CDKAL1: variants seen among roughly 807,000 people sequenced by gnomAD.
CDKAL1 encodes threonylcarbamoyladenosine tRNA methylthiotransferase.
Under a neutral mutation model 68.2 loss-of-function variants are expected in CDKAL1, and 32 were observed. The observed-to-expected ratio is 0.47, with a 90% CI of 0.35 to 0.63. CDKAL1 has a LOEUF of 0.63. Among genes scored for constraint, CDKAL1 ranks in the 30% least tolerant of loss-of-function variants. The probability of loss-of-function intolerance (pLI) is 0.00; values close to 1 mark genes in which losing one functional copy is unlikely to be tolerated. For missense variants in CDKAL1, 606 were observed against 696.7 expected, an observed-to-expected ratio of 0.87 and a Z score of 1.47; for synonymous variants, 234 against 244.3, an observed-to-expected ratio of 0.96 and a Z score of 0.39.
At chr6:21,181,148 A>G (rs1777774178) in intron 13 of CDKAL1, among the ~76,000 whole-genome samples, 1 of 152,226 alleles carries the variant, frequency 6.6e-6, no homozygotes, top group Non-Finnish European at 1.5e-5. Flanking sequence ...CCCACTGTCG[A>G]GATAGCTAAC....
At chr6:21,016,389 C>G (rs550159835) in intron 11 of CDKAL1, among the ~76,000 whole-genome samples, 3 of 152,108 alleles carry the variant, frequency 2.0e-5, no homozygotes, top group Non-Finnish European at 1.5e-5. Flanking sequence ...CCTCCCCACA[C>G]CACTTGCTGT....
intron 9 of CDKAL1, among the ~76,000 whole-genome samples, chr6:20,907,880 C>T (rs1762300397): frequency 6.6e-6 from 1 of 152,150 alleles, no homozygotes; most frequent in Non-Finnish European, 1.5e-5. Flanking sequence ...GGCACCATGC[C>T]ACTGTTGGTC....
chr6:20,715,781 C>G (rs1416371630), intron 5 of CDKAL1, among the ~76,000 whole-genome samples: 1 of 152,028 alleles, frequency 6.6e-6, no homozygotes, highest in Non-Finnish European at 1.5e-5. Context: ...TTAAAATATT[C>G]TTATTTTTCC....
intron 9 of CDKAL1, among the ~76,000 whole-genome samples, chr6:20,903,480 G>A (rs1009351643): frequency 2.6e-5 from 4 of 152,126 alleles, no homozygotes; most frequent in Non-Finnish European, 4.4e-5. Context: ...TAGCTTTGCT[G>A]CTTTCACAGT....
chr6:21,159,704 C>T (rs1776817659), intron 13 of CDKAL1, among the ~76,000 whole-genome samples: 1 of 152,230 alleles, frequency 6.6e-6, no homozygotes, highest in Non-Finnish European at 1.5e-5. Flanking sequence ...ACGGTTCTCA[C>T]AGATAATCCA....
intron 13 of CDKAL1, among the ~76,000 whole-genome samples, chr6:21,158,741 C>G (rs572945886): frequency 8.3e-4 from 127 of 152,298 alleles, no homozygotes; most frequent in African/African-American, 2.8e-3. Context: ...AATTTTGTCA[C>G]TGACAAATAT....
At chr6:20,683,426 G>C (rs1347225865) in intron 5 of CDKAL1, among the ~76,000 whole-genome samples, 2 of 152,158 alleles carry the variant, frequency 1.3e-5, no homozygotes, top group Non-Finnish European at 2.9e-5. Context: ...TGGTTTAAAA[G>C]TCTTGGCTTT....
chr6:20,605,196 C>T (rs544331508), intron 4 of CDKAL1, among the ~76,000 whole-genome samples: 4 of 152,288 alleles, frequency 2.6e-5, no homozygotes, highest in African/African-American at 9.6e-5. Context: ...CCATCCCCAA[C>T]AGTGAAGGTT....
rs1015613909 is a variant in CDKAL1 at position 21,070,248 on chromosome 6, C to T, written c.1236+5020C>T. On this transcript the variant is annotated intron_variant, in intron 12 of 15. Coordinates refer to ENST00000274695, the MANE Select transcript of CDKAL1 (RefSeq NM_017774.3). ...CATGTGTACAGCTGAATAATTTTCT[C>T]GGCCTGATCCTGCCATAAGAATGTT... Among the ~76,000 whole-genome samples the T allele has an allele frequency of 7.9e-5, 12 of 152,142 alleles. No individual in the cohort carries two copies. The East Asian group carries it at 9.6e-4, about 12-fold the overall frequency.
At chr6:20,968,818 T>A (rs917621192) in intron 10 of CDKAL1, among the ~76,000 whole-genome samples, 5 of 152,124 alleles carry the variant, frequency 3.3e-5, no homozygotes, top group Admixed American at 1.3e-4. Flanking sequence ...TGATTTTCCT[T>A]AATTCTTGGG....
In CDKAL1 at chr6:21,056,203, C is replaced by T. The variant is rs145917367; in HGVS notation, c.1056-8845C>T. Among the ~76,000 whole-genome samples the T allele has an allele frequency of 1.7e-3, 264 of 152,050 alleles. 3 individuals are homozygous for T. The highest frequency in any genetic ancestry group is 5.6e-3 in the African/African-American group (232 of 41,478). The stretch of plus-strand genomic sequence containing the variant: ...TTGTGTCCTCTCTTATTTCTTTGAA[C>T]GGTGGTTTGTAGTTCTCCTTGAAGA... On this transcript the variant is annotated intron_variant, in intron 11 of 15. Coordinates refer to ENST00000274695, the MANE Select transcript of CDKAL1 (RefSeq NM_017774.3).
chr6:20,670,495 G>A (rs546007762), intron 5 of CDKAL1, among the ~76,000 whole-genome samples: 2 of 152,122 alleles, frequency 1.3e-5, no homozygotes, highest in South Asian at 2.1e-4. Context: ...GAGCCCACCC[G>A]TCTCCCATTA....
At chr6:21,170,485 G>A (rs1253023182) in intron 13 of CDKAL1, among the ~76,000 whole-genome samples, 1 of 151,838 alleles carries the variant, frequency 6.6e-6, no homozygotes, top group Non-Finnish European at 1.5e-5. Flanking sequence ...GCCTGCTACT[G>A]TGCCCAGCTA....
intron 10 of CDKAL1, among the ~76,000 whole-genome samples, chr6:20,994,181 A>G (rs532644089): frequency 3.3e-5 from 5 of 152,312 alleles, no homozygotes; most frequent in African/African-American, 9.6e-5. Context: ...TTACTTTCAT[A>G]AGAAAATGCA....
At chr6:21,146,850 CAAA>C (rs1194653980) in intron 13 of CDKAL1, among the ~76,000 whole-genome samples, 6 of 78,256 alleles carry the variant, frequency 7.7e-5, no homozygotes, top group African/African-American at 5.3e-5. Context: ...GACTCCGTCT[CAAA>C]AAAAAAAAAA....
chr6:20,770,806 C>T (rs1774908834), intron 7 of CDKAL1, among the ~76,000 whole-genome samples: 1 of 152,136 alleles, frequency 6.6e-6, no homozygotes, highest in Admixed American at 6.5e-5. Context: ...GAAAATCAGT[C>T]AAAAGCAGGA....
intron 7 of CDKAL1, among the ~76,000 whole-genome samples, chr6:20,769,386 G>C (rs34801493): frequency 6.6e-6 from 1 of 150,742 alleles, no homozygotes; most frequent in African/African-American, 2.4e-5. Context: ...AGCCTCCCAA[G>C]TAGCTGGGAT....
intron 11 of CDKAL1, among the ~76,000 whole-genome samples, chr6:21,040,578 T>C (rs559255502): frequency 6.6e-6 from 1 of 152,284 alleles, no homozygotes; most frequent in East Asian, 1.9e-4. Context: ...TTGAATAGCT[T>C]CACTAAAAAT....
chr6:21,220,397 TG>T (rs921376389), intron 15 of CDKAL1, among the ~76,000 whole-genome samples: 8 of 152,190 alleles, frequency 5.3e-5, no homozygotes, highest in African/African-American at 1.9e-4. Flanking sequence ...TACCTCTCTT[TG>T]GAGAAAAAAA....
Sources: allele counts gnomAD v4.1 joint callset (sites outside exome capture counted in the v4.1 genomes callset), GRCh38; gene constraint gnomAD v4.1.1; transcripts MANE v1.5; gene names NCBI Gene and HGNC (gene_info 2026-07-23, HGNC 2026-07-21).